APBB1IP: variants seen among roughly 807,000 people sequenced by gnomAD.
The protein encoded by APBB1IP is amyloid beta A4 precursor protein-binding family B member 1-interacting protein.
In APBB1IP, 27 loss-of-function variants were observed where a neutral mutation model predicts 64.9. The ratio of observed to expected loss-of-function variants is 0.42; its 90% confidence interval spans 0.31 to 0.57. The LOEUF is 0.57. APBB1IP is among the 20% of genes least tolerant of loss of function. The pLI, the probability that APBB1IP is intolerant of heterozygous loss-of-function variation, is 0.20. For synonymous variants in APBB1IP, 392 were observed against 331.0 expected, an observed-to-expected ratio of 1.18 and a Z score of -2.00; for missense variants, 812 against 845.5, an observed-to-expected ratio of 0.96 and a Z score of 0.49.
At position 26,524,384 on chromosome 10, in the gene APBB1IP, T is replaced by A. The variant is rs787060; in HGVS notation, c.814-9055T>A. Among the ~76,000 whole-genome samples the A allele has an allele frequency of 7.7e-3, 1,167 of 151,820 alleles. 8 individuals are homozygous for A. Among genetic ancestry groups the A allele is most frequent in the Middle Eastern group, 0.017 (5 of 294 alleles). On this transcript the variant is annotated intron_variant, in intron 8 of 14. Coordinates refer to ENST00000376236, the MANE Select transcript of APBB1IP (RefSeq NM_019043.4). ...TCATGTTTCTCCGTAATTACCCACT[T>A]CTTTCATCAGATTGATGATGAAAAA... is the stretch of plus-strand genomic sequence containing the variant.
chr10:26,447,332 G>A (rs190982325), intron 2 of APBB1IP, among the ~76,000 whole-genome samples: 4,319 of 132,356 alleles, frequency 0.033, 208 homozygotes, highest in African/African-American at 0.12. Context: ...CCGAGATCGC[G>A]CCACTGCACT....
intron 9 of APBB1IP, 49 bp from the exon 10 acceptor site, chr10:26,536,025 G>C: frequency 4.0e-6 from 6 of 1,518,168 alleles, no homozygotes; most frequent in Non-Finnish European, 5.3e-6. Context: ...ATAAAAATGC[G>C]TGCTTTATCT....
chr10:26,498,038 G>A (rs1411286689), intron 4 of APBB1IP, among the ~76,000 whole-genome samples: 1 of 151,982 alleles, frequency 6.6e-6, no homozygotes, highest in Non-Finnish European at 1.5e-5. Context: ...GGATTTCTTT[G>A]TTTCTATCAT....
intron 2 of APBB1IP, among the ~76,000 whole-genome samples, chr10:26,475,825 C>A (rs1835768985): frequency 6.6e-6 from 1 of 152,194 alleles, no homozygotes; most frequent in African/African-American, 2.4e-5. Context: ...TCCCTTCTTC[C>A]CCTTCTCTGT....
chr10:26,525,856 A>G (rs182526346), intron 8 of APBB1IP, among the ~76,000 whole-genome samples: 18 of 152,318 alleles, frequency 1.2e-4, no homozygotes, highest in African/African-American at 4.3e-4. Flanking sequence ...TCTAATGGAA[A>G]TAAACTGAGG....
intron 10 of APBB1IP, among the ~76,000 whole-genome samples, chr10:26,540,871 G>A (rs1836688482): frequency 6.6e-6 from 1 of 151,878 alleles, no homozygotes; most frequent in South Asian, 2.1e-4. Context: ...AGGAGGAAGT[G>A]CATGAAGTGT....
In APBB1IP at chr10:26,438,624, G is replaced by A. The variant is rs961997521; in HGVS notation, c.-202-28G>A. ...CTAACTCGGAGTCCTTTACGCATAT[G>A]TTTGTCTGTCCCACTGTCTCTAACC... On this transcript the variant is annotated intron_variant, in intron 1 of 14. Transcript: ENST00000376236. The A allele has an allele frequency of 3.3e-5, 5 of 152,348 alleles. No individual in the cohort carries two copies. The East Asian group carries it at 9.7e-4, about 29-fold the overall frequency. 9.4% of individuals were successfully genotyped at this position (152,348 alleles called of 1,614,324 possible).
At chr10:26,478,219 G>A (rs1052726435) in intron 2 of APBB1IP, among the ~76,000 whole-genome samples, 2 of 152,234 alleles carry the variant, frequency 1.3e-5, no homozygotes, top group Non-Finnish European at 2.9e-5. Flanking sequence ...TGGGTGAGTA[G>A]GGAACAGGTG....
chr10:26,488,613 ACTCCTC>A (rs1211486868), intron 2 of APBB1IP, among the ~76,000 whole-genome samples: 1 of 152,052 alleles, frequency 6.6e-6, no homozygotes, highest in East Asian at 1.9e-4. Context: ...CATGGAAATG[ACTCCTC>A]ATGCTGACTT....
At chr10:26,486,886 A>G (rs1169906607) in intron 2 of APBB1IP, among the ~76,000 whole-genome samples, 1 of 152,218 alleles carries the variant, frequency 6.6e-6, no homozygotes, top group Non-Finnish European at 1.5e-5. Context: ...CGTTCAAGGA[A>G]TCTAAGGGAA....
intron 2 of APBB1IP, among the ~76,000 whole-genome samples, chr10:26,487,987 A>G (rs1835911939): frequency 6.6e-6 from 1 of 152,236 alleles, no homozygotes; most frequent in African/African-American, 2.4e-5. Context: ...AAATGTGTTA[A>G]CACCAATAAT....
intron 8 of APBB1IP, among the ~76,000 whole-genome samples, chr10:26,531,705 T>C (rs1386074546): frequency 6.6e-6 from 1 of 152,128 alleles, no homozygotes; most frequent in East Asian, 1.9e-4. Flanking sequence ...TTTTTATGCA[T>C]TGTATTTCAA....
chr10:26,464,910 G>T (rs1231264643), intron 2 of APBB1IP, among the ~76,000 whole-genome samples: 2 of 152,144 alleles, frequency 1.3e-5, no homozygotes, highest in African/African-American at 4.8e-5. Flanking sequence ...GACAAACAGG[G>T]ATAAATCCAA....
chr10:26,503,145 T>A (rs371510843), intron 5 of APBB1IP, 52 bp from the exon 6 acceptor site: 47 of 1,554,566 alleles, frequency 3.0e-5, no homozygotes, highest in Admixed American at 8.6e-5. Flanking sequence ...AAGTGATTAC[T>A]CACTGGTATT....
intron 11 of APBB1IP, among the ~76,000 whole-genome samples, chr10:26,545,976 A>T (rs1255850629): frequency 6.6e-6 from 1 of 152,076 alleles, no homozygotes; most frequent in Non-Finnish European, 1.5e-5. Context: ...AGATTGCATG[A>T]TTTCATGGCC....
intron 2 of APBB1IP, among the ~76,000 whole-genome samples, chr10:26,476,649 G>A (rs1017292972): frequency 6.6e-6 from 1 of 151,772 alleles, no homozygotes; most frequent in Non-Finnish European, 1.5e-5. Flanking sequence ...TTCTGTCTTT[G>A]TTACACAATG....
At chr10:26,485,187 T>G (rs1835877387) in intron 2 of APBB1IP, among the ~76,000 whole-genome samples, 1 of 152,214 alleles carries the variant, frequency 6.6e-6, no homozygotes, top group Non-Finnish European at 1.5e-5. Context: ...TAAACAGTGT[T>G]ATAGTGAATG....
intron 6 of APBB1IP, among the ~76,000 whole-genome samples, chr10:26,508,045 G>A (rs1477615195): frequency 6.6e-6 from 1 of 152,214 alleles, no homozygotes; most frequent in East Asian, 1.9e-4. Context: ...ACGAAGACAA[G>A]TTATGTATTT....
At chr10:26,475,608 C>A (rs971091009) in intron 2 of APBB1IP, among the ~76,000 whole-genome samples, 1 of 152,164 alleles carries the variant, frequency 6.6e-6, no homozygotes, top group Admixed American at 6.5e-5. Flanking sequence ...TAAATCCCAT[C>A]CGGCCATGGA....
Sources: gnomAD v4.1 joint callset for allele counts (sites outside exome capture counted in the v4.1 genomes callset) on GRCh38, gnomAD v4.1.1 for gene constraint, MANE v1.5 for transcripts, NCBI Gene and HGNC (gene_info 2026-07-23, HGNC 2026-07-21) for gene names.